MGAT4A: variants seen among roughly 807,000 people sequenced by gnomAD.
MGAT4A encodes the protein N-acetylglucosaminyltransferase IVa.
MGAT4A carries 33 observed loss-of-function variants against 74.1 expected under a neutral mutation model. The ratio of observed to expected loss-of-function variants is 0.45; its 90% CI spans 0.34 to 0.60. The LOEUF (loss-of-function observed/expected upper bound fraction) is 0.60. Among genes scored for constraint, MGAT4A ranks in the 20% least tolerant of loss-of-function variants. The pLI, the probability that MGAT4A is intolerant of heterozygous loss-of-function variation, is 0.02. For missense variants in MGAT4A, 479 were observed against 628.3 expected (o/e 0.76, Z 2.54); for synonymous variants, 198 against 210.4 (o/e 0.94, Z 0.51).
intron 2 of MGAT4A, among the ~76,000 whole-genome samples, chr2:98,710,085 T>G (rs1420541288): frequency 6.6e-6 from 1 of 152,214 alleles, no homozygotes; most frequent in African/African-American, 2.4e-5. Flanking sequence ...GGAACACTTT[T>G]GTCCATCACT....
chr2:98,704,731 C>G (rs1397360904), intron 2 of MGAT4A, among the ~76,000 whole-genome samples: 1 of 151,602 alleles, frequency 6.6e-6, no homozygotes, highest in African/African-American at 2.4e-5. Flanking sequence ...GATCACACCA[C>G]TGCACTATAG....
In MGAT4A at chr2:98,624,702, A is replaced by G. The variant is rs772468188; in HGVS notation, c.*864T>C. ...AGGAAAGAAGAGTTTGTCATTTTAC[A>G]TATCAGAGGAAATATAATAAGTTAA... On this transcript the variant is annotated 3_prime_UTR_variant, in exon 16 of 16. Transcript: ENST00000393487. The G allele has an allele frequency of 3.1e-6, 3 of 982,696 alleles. No individual in the cohort carries two copies. Among genetic ancestry groups the G allele is most frequent in the Admixed American group, 6.2e-5 (1 of 16,254 alleles). The allele number at this position is 982,696 out of a possible 1,614,324, so 60.9% of individuals were successfully genotyped here.
intron 10 of MGAT4A, among the ~76,000 whole-genome samples, chr2:98,640,548 G>A (rs1261914473): frequency 1.6e-4 from 24 of 152,078 alleles, no homozygotes; most frequent in Non-Finnish European, 4.4e-5. Context: ...AGGTTGCAGT[G>A]AGCCGAGATC....
At chr2:98,715,732 G>A (rs952297563) in intron 2 of MGAT4A, among the ~76,000 whole-genome samples, 12 of 152,088 alleles carry the variant, frequency 7.9e-5, no homozygotes, top group African/African-American at 1.9e-4. Context: ...AACAAACCCC[G>A]TAACACAAGT....
chr2:98,723,506 A>T (rs1006733811), intron 2 of MGAT4A, among the ~76,000 whole-genome samples: 13 of 152,172 alleles, frequency 8.5e-5, no homozygotes, highest in Non-Finnish European at 1.5e-4. Flanking sequence ...TCATTAAAAC[A>T]GCATGTTGCT....
intron 9 of MGAT4A, among the ~76,000 whole-genome samples, chr2:98,644,523 G>A (rs1471177812): frequency 6.6e-6 from 1 of 152,132 alleles, no homozygotes; most frequent in African/African-American, 2.4e-5. Context: ...ATTGTCAAAG[G>A]TCCAGCCTCT....
At chr2:98,728,945 A>C (rs574162373) in intron 1 of MGAT4A, among the ~76,000 whole-genome samples, 87 of 152,298 alleles carry the variant, frequency 5.7e-4, no homozygotes, top group African/African-American at 2.0e-3. Context: ...CTTGAGAAAG[A>C]ATTTTGTTCT....
intron 2 of MGAT4A, among the ~76,000 whole-genome samples, chr2:98,688,001 C>A (rs922491414): frequency 3.3e-5 from 5 of 152,182 alleles, no homozygotes; most frequent in Non-Finnish European, 4.4e-5. Flanking sequence ...CTCCTCCACC[C>A]TTGTCTGACT....
At position 98,622,560 on chromosome 2, in the gene MGAT4A, ATCT is replaced by A; in HGVS notation, c.*3003_*3005del. 1.0e-6 allele frequency: 1 copy of A among 985,350 alleles called. No homozygotes were observed. The highest frequency in any genetic ancestry group is 1.2e-6 in the Non-Finnish European group (1 of 829,924). The allele number at this position is 985,350 out of a possible 1,614,324, so 61.0% of individuals were successfully genotyped here. A position where few individuals can be genotyped will look rare whatever the true frequency, so the allele number is the denominator to read the frequency against. On this transcript the variant is annotated 3_prime_UTR_variant, in exon 16 of 16. Coordinates refer to ENST00000393487, the MANE Select transcript of MGAT4A (RefSeq NM_012214.3). ...TTCCAGGGACTCTTCCCCTCCCTTA[ATCT>A]TCTGCCCTCACACTGCTCTTAAGGG...
chr2:98,696,701 C>G (rs375314021), intron 2 of MGAT4A, among the ~76,000 whole-genome samples: 10 of 152,166 alleles, frequency 6.6e-5, no homozygotes, highest in African/African-American at 2.4e-4. Context: ...TAGGGGTGGA[C>G]CACTGTTATG....
intron 4 of MGAT4A, 51 bp from the exon 5 acceptor site, chr2:98,663,230 G>A: frequency 6.5e-7 from 1 of 1,531,482 alleles, no homozygotes; most frequent in Non-Finnish European, 8.8e-7. Flanking sequence ...GGACAATACA[G>A]AAAAACACTT....
intron 2 of MGAT4A, among the ~76,000 whole-genome samples, chr2:98,722,261 C>T (rs946002911): frequency 1.3e-5 from 2 of 152,296 alleles, no homozygotes; most frequent in South Asian, 2.1e-4. Context: ...AGTTCACCAG[C>T]GGATGGATGG....
intron 2 of MGAT4A, among the ~76,000 whole-genome samples, chr2:98,682,639 CAAAGTT>C (rs940232204): frequency 2.6e-5 from 4 of 152,238 alleles, no homozygotes; most frequent in Non-Finnish European, 5.9e-5. Flanking sequence ...ATCAAGTGAT[CAAAGTT>C]AAAGTTGGCA....
intron 2 of MGAT4A, among the ~76,000 whole-genome samples, chr2:98,695,877 T>A (rs536725734): frequency 7.6e-5 from 11 of 145,394 alleles, no homozygotes; most frequent in Middle Eastern, 3.7e-3. Context: ...CCACAGAACT[T>A]CTTTTTTTTT....
At chr2:98,639,753 A>G (rs1701377585) in intron 12 of MGAT4A, 55 bp downstream of exon 12, 1 of 1,469,778 alleles carries the variant, frequency 6.8e-7, no homozygotes, top group Non-Finnish European at 9.3e-7. Flanking sequence ...TATAAATCAC[A>G]TTACGAATAA....
chr2:98,624,964 T>A lies in MGAT4A; in HGVS notation c.*602A>T. The A allele has an allele frequency of 1.0e-6, 1 of 985,406 alleles. No homozygotes were observed. Among genetic ancestry groups the A allele is most frequent in the Non-Finnish European group, 1.2e-6 (1 of 829,546 alleles). 61.0% of individuals were successfully genotyped at this position (985,406 alleles called of 1,614,324 possible). ...ATCTATAATCAATCTTAAATGGCAG[T>A]GCATTTGAAAAATGGCATTGGTTTG... On this transcript the variant is annotated 3_prime_UTR_variant, in exon 16 of 16. Transcript: ENST00000393487.
At chr2:98,728,920 C>T (rs950590448) in intron 1 of MGAT4A, among the ~76,000 whole-genome samples, 4 of 152,206 alleles carry the variant, frequency 2.6e-5, no homozygotes, top group African/African-American at 9.6e-5. Flanking sequence ...CTGCTATCTA[C>T]TTAGCCCTAT....
rs534942491 is a variant in MGAT4A at position 98,619,454 on chromosome 2, C to A, written c.*6112G>T. The stretch of plus-strand genomic sequence containing the variant: ...CTCTAAGGGATGCTTCCAGAAACAT[C>A]CCCTAATGCAGACAACCTTTCCAAA... On this transcript the variant is annotated 3_prime_UTR_variant, in exon 16 of 16. Coordinates refer to ENST00000393487, the MANE Select transcript of MGAT4A (RefSeq NM_012214.3). The A allele has an allele frequency of 6.6e-6, 1 of 152,180 alleles. No homozygotes were observed. Among genetic ancestry groups the A allele is most frequent in the Non-Finnish European group, 1.5e-5 (1 of 68,022 alleles). 9.4% of individuals were successfully genotyped at this position (152,180 alleles called of 1,614,324 possible). A position where few individuals can be genotyped will look rare whatever the true frequency, so the allele number is the denominator to read the frequency against.
intron 8 of MGAT4A, 80 bp downstream of exon 8, chr2:98,655,365 C>T (rs1701642711): frequency 9.0e-7 from 1 of 1,108,058 alleles, no homozygotes; most frequent in Admixed American, 2.5e-5. Context: ...ACTTTCAAAA[C>T]TTCCTGTTTT....
Sources: gnomAD v4.1 joint callset for allele counts (sites outside exome capture counted in the v4.1 genomes callset) on GRCh38, gnomAD v4.1.1 for gene constraint, MANE v1.5 for transcripts, NCBI Gene and HGNC (gene_info 2026-07-23, HGNC 2026-07-21) for gene names.